The following LATS2 variants were observed in gnomAD, a reference collection of about 807,000 sequenced individuals.
LATS2 encodes the protein serine/threonine-protein kinase LATS2.
LATS2 carries 24 observed loss-of-function variants against 76.0 expected under a neutral mutation model. The ratio of observed to expected loss-of-function variants is 0.32; its 90% CI spans 0.23 to 0.44. LATS2 has a LOEUF of 0.44. Ranked by LOEUF, LATS2 falls within the 20% of genes least tolerant of loss-of-function variation. The probability of loss-of-function intolerance (pLI) is 1.00; values close to 1 mark genes in which losing one functional copy is unlikely to be tolerated. For missense variants in LATS2, 1,286 were observed against 1,481.2 expected, an observed-to-expected ratio of 0.87 and a Z score of 2.16; for synonymous variants, 692 against 635.4, an observed-to-expected ratio of 1.09 and a Z score of -1.34.
At position 21,032,917 on chromosome 13, in the gene LATS2, C is replaced by G. The variant is rs1242938020; in HGVS notation, c.342+12768G>C. ...GGGAGAAAACCTCATAGCCTGGTGG[C>G]AGGGGAGGTGCAGAGGGCAGACCCA... On this transcript the variant is annotated intron_variant, in intron 2 of 7. Transcript: ENST00000382592. 3.9e-5 allele frequency among the ~76,000 whole-genome samples: 6 copies of G among 152,162 alleles called. No homozygotes were observed. In the East Asian group the frequency reaches 1.2e-3, roughly 29 times the overall value.
At chr13:21,042,758 G>C (rs1260034372) in intron 2 of LATS2, among the ~76,000 whole-genome samples, 1 of 147,886 alleles carries the variant, frequency 6.8e-6, no homozygotes, top group East Asian at 2.1e-4. Flanking sequence ...GGAGGCCTAA[G>C]AGGGCGGATC....
At chr13:20,993,877 TA>T (rs928283571) in intron 2 of LATS2, among the ~76,000 whole-genome samples, 7 of 152,074 alleles carry the variant, frequency 4.6e-5, no homozygotes, top group African/African-American at 1.7e-4. Context: ...TGGCGCCCAT[TA>T]AAAAAATGTG....
chr13:20,975,337 T>A lies in LATS2; in HGVS notation c.2800A>T (p.Ile934Phe). 1 of 1,578,324 alleles carries A rather than the reference T, an allele frequency of 6.3e-7. No individual in the cohort carries two copies. The highest frequency in any genetic ancestry group is 8.6e-7 in the Non-Finnish European group (1 of 1,162,814). ...KVINWENTLHIPAQVKLSPEA... is the reference protein window; with the variant it reads ...KVINWENTLHFPAQVKLSPEA... ...GGGCTCAGCTTCACCTGGGCTGGAA[T>A]GTGGAGCGTGTTCTCCCAGTTGATC... The change falls in exon 8 of 8, where the codon ATT (isoleucine) becomes TTT (phenylalanine). Residue 934 changes from isoleucine (I) to phenylalanine (F), a missense_variant. Ile to Phe is a conservative substitution (Grantham distance 21). Around this residue, in one of 5 missense-constraint regions of LATS2, gnomAD observed 210 missense variants for 234.9 expected, o/e 0.89. Transcript: ENST00000382592.
At chr13:21,011,533 T>C (rs1871592264) in intron 2 of LATS2, among the ~76,000 whole-genome samples, 1 of 152,222 alleles carries the variant, frequency 6.6e-6, no homozygotes, top group African/African-American at 2.4e-5. Context: ...AATGGTAATT[T>C]TGCATGGCTG....
rs1217844286 is a variant in LATS2 at position 20,991,549 on chromosome 13, C to T, written c.343-145G>A. The T allele has an allele frequency of 3.3e-6, 3 of 909,904 alleles. No homozygotes were observed. Among genetic ancestry groups the T allele is most frequent in the African/African-American group, 1.7e-5 (1 of 60,548 alleles). The allele number at this position is 909,904 out of a possible 1,614,324, so 56.4% of individuals were successfully genotyped here. A position where few individuals can be genotyped will look rare whatever the true frequency, so the allele number is the denominator to read the frequency against. The stretch of plus-strand genomic sequence containing the variant: ...CCTGCGATATGCTGCAGGAGACCCT[C>T]AGAATGAGTGCAGGTGGCTGTGTGC... On this transcript the variant is annotated intron_variant, in intron 2 of 7. Coordinates refer to ENST00000382592, the MANE Select transcript of LATS2 (RefSeq NM_014572.3). The surrounding 1 kb of genome is among the most constrained non-coding windows in gnomAD (Gnocchi z 4.9).
At chr13:20,992,891 T>C (rs1870567958) in intron 2 of LATS2, among the ~76,000 whole-genome samples, 1 of 151,832 alleles carries the variant, frequency 6.6e-6, no homozygotes, top group Admixed American at 6.6e-5. Context: ...AAAAATTAGC[T>C]GGGTATGGTG....
intron 3 of LATS2, among the ~76,000 whole-genome samples, chr13:20,990,130 A>C (rs1870440585): frequency 6.6e-6 from 1 of 152,236 alleles, no homozygotes; most frequent in African/African-American, 2.4e-5. Context: ...AACAAAGGTC[A>C]CAGGCACACC....
intron 1 of LATS2, among the ~76,000 whole-genome samples, chr13:21,060,889 G>C (rs1227883922): frequency 3.3e-5 from 5 of 151,368 alleles, no homozygotes; most frequent in Non-Finnish European, 7.4e-5. Flanking sequence ...GCGCCCGGCC[G>C]GGCGTCTAGT....
At chr13:20,989,934 A>G (rs1304960963) in intron 3 of LATS2, among the ~76,000 whole-genome samples, 1 of 152,218 alleles carries the variant, frequency 6.6e-6, no homozygotes. Flanking sequence ...CCTGACCTCC[A>G]TTTTGTACAT....
chr13:21,041,275 TCC>T (rs199533183), intron 2 of LATS2, among the ~76,000 whole-genome samples: 1,956 of 152,158 alleles, frequency 0.013, 37 homozygotes, highest in African/African-American at 0.045. Flanking sequence ...CCTGGCCCAC[TCC>T]CTTTTCTTAT....
intron 4 of LATS2, among the ~76,000 whole-genome samples, chr13:20,984,023 T>C (rs1870031952): frequency 6.6e-6 from 1 of 152,216 alleles, no homozygotes; most frequent in Admixed American, 6.5e-5. Context: ...CTCCGCCTCC[T>C]GGGTTCCAGC....
intron 2 of LATS2, among the ~76,000 whole-genome samples, chr13:21,015,023 C>T (rs1871747442): frequency 6.6e-6 from 1 of 152,184 alleles, no homozygotes; most frequent in Non-Finnish European, 1.5e-5. Context: ...TCCCTGGGGT[C>T]CAACACATGG....
intron 2 of LATS2, among the ~76,000 whole-genome samples, chr13:21,003,225 CTAAA>C (rs1264834302): frequency 2.0e-5 from 3 of 151,902 alleles, no homozygotes; most frequent in Admixed American, 2.0e-4. Flanking sequence ...TTTTGAGAAC[CTAAA>C]TAAATATGTA....
At chr13:21,024,216 T>C (rs1349283133) in intron 2 of LATS2, among the ~76,000 whole-genome samples, 1 of 151,032 alleles carries the variant, frequency 6.6e-6, no homozygotes, top group African/African-American at 2.4e-5. Flanking sequence ...GAGGGATCAC[T>C]TGAGGTCAGG....
At chr13:20,996,837 A>C (rs1484601288) in intron 2 of LATS2, among the ~76,000 whole-genome samples, 3 of 152,192 alleles carry the variant, frequency 2.0e-5, no homozygotes, top group Non-Finnish European at 4.4e-5. Flanking sequence ...TCTTACCTGG[A>C]GCCCTTATCT....
intron 4 of LATS2, among the ~76,000 whole-genome samples, chr13:20,987,250 T>G (rs531637140): frequency 8.6e-4 from 130 of 151,872 alleles, no homozygotes; most frequent in African/African-American, 2.9e-3. Flanking sequence ...GAAAAGTATA[T>G]CTGTAAAAAA....
intron 2 of LATS2, among the ~76,000 whole-genome samples, chr13:21,016,818 A>T (rs758206067): frequency 9.9e-5 from 15 of 151,912 alleles, no homozygotes; most frequent in Non-Finnish European, 2.1e-4. Context: ...CACTAATAAA[A>T]CTCCACACAA....
In LATS2 at chr13:20,973,824, G is replaced by C. The variant is rs891465650; in HGVS notation, c.*1046C>G. 4.8e-5 allele frequency: 11 copies of C among 230,290 alleles called. No individual in the cohort carries two copies. In the Admixed American group the frequency reaches 5.7e-4, roughly 12 times the overall value. 14.3% of individuals were successfully genotyped at this position (230,290 alleles called of 1,614,324 possible). A position where few individuals can be genotyped will look rare whatever the true frequency, so the allele number is the denominator to read the frequency against. ...AAAAAGGTAAGTAGTAGGGTCAGAG[G>C]TATGGCATTCCACATACCAGCTCTA... On this transcript the variant is annotated 3_prime_UTR_variant, in exon 8 of 8. Transcript: ENST00000382592.
At chr13:21,002,855 ACTTTATT>A (rs1203123996) in intron 2 of LATS2, among the ~76,000 whole-genome samples, 1 of 152,016 alleles carries the variant, frequency 6.6e-6, no homozygotes, top group African/African-American at 2.4e-5. Flanking sequence ...CACCTGGCTA[ACTTTATT>A]CTTTAATTTC....
Sources: gnomAD v4.1 joint callset for allele counts (sites outside exome capture counted in the v4.1 genomes callset) on GRCh38, gnomAD v4.1.1 for gene constraint, gnomAD v4.1.1 regional missense constraint, Gnocchi (gnomAD v3.1) non-coding constraint, MANE v1.5 for transcripts, NCBI Gene and HGNC (gene_info 2026-07-23, HGNC 2026-07-21) for gene names.